Variants in MYO5C observed in about 807,000 individuals in gnomAD.
MYO5C encodes the protein unconventional myosin-Vc.
MYO5C carries 194 observed loss-of-function variants against 235.7 expected under a neutral mutation model. That is an observed-to-expected ratio of 0.82 (90% confidence interval 0.73 to 0.93). The LOEUF is 0.93. Ranked by LOEUF, MYO5C falls within the 40% of genes least tolerant of loss-of-function variation. The pLI is 0.00. For synonymous variants in MYO5C, 707 were observed against 754.8 expected (o/e 0.94, Z 1.04); for missense variants, 2,038 against 2,127.2 (o/e 0.96, Z 0.82).
rs1357092542 is a variant in MYO5C at position 52,264,296 on chromosome 15, C to T, written c.941G>A (p.Gly314Asp). The T allele has an allele frequency of 6.2e-7, 1 of 1,612,016 alleles. No individual in the cohort carries two copies. Among genetic ancestry groups the T allele is most frequent in the East Asian group, 2.2e-5 (1 of 44,874 alleles). ...GTCCATCTGAAAATCCTCCTTGAAA[C>T]CTAAAAACAAACATTTTCCCAGATT... ...VETQKTFTLL[G>D]FKEDFQMDVF... The change falls in exon 9 of 41, where the codon GGT becomes GAT. Residue 314 changes from glycine (G) to aspartate (D), a missense_variant and splice_region_variant. Gly to Asp is a moderately conservative substitution (Grantham distance 94). Coordinates refer to ENST00000261839, the MANE Select transcript of MYO5C (RefSeq NM_018728.4).
chr15:52,263,601 C>T (rs192053767), intron 9 of MYO5C, among the ~76,000 whole-genome samples: 106 of 152,234 alleles, frequency 7.0e-4, no homozygotes, highest in Non-Finnish European at 1.3e-3. Flanking sequence ...CATGGACCTT[C>T]GTGCTGTTTT....
chr15:52,272,307 G>A (rs996790879), intron 6 of MYO5C, among the ~76,000 whole-genome samples: 1 of 152,170 alleles, frequency 6.6e-6, no homozygotes, highest in Non-Finnish European at 1.5e-5. Context: ...ACTCTAGAAA[G>A]AGATACTTGC....
intron 8 of MYO5C, among the ~76,000 whole-genome samples, chr15:52,268,007 T>G (rs1339682402): frequency 2.0e-5 from 3 of 152,228 alleles, no homozygotes; most frequent in African/African-American, 7.2e-5. Flanking sequence ...GTGCCGAAAG[T>G]GTTTATCTTA....
chr15:52,267,853 G>C (rs571763622), intron 8 of MYO5C, among the ~76,000 whole-genome samples: 14 of 152,254 alleles, frequency 9.2e-5, no homozygotes, highest in African/African-American at 3.4e-4. Context: ...AGGGAGATGA[G>C]GGTGGGCAGG....
At chr15:52,246,133 C>G in intron 16 of MYO5C, 91 bp from the exon 17 acceptor site, 1 of 971,222 alleles carries the variant, frequency 1.0e-6, no homozygotes, top group South Asian at 1.4e-5. Flanking sequence ...AGACTGTGAC[C>G]CTATGCCAGG....
chr15:52,207,462 T>C (rs1231995116), intron 36 of MYO5C, among the ~76,000 whole-genome samples: 1 of 152,222 alleles, frequency 6.6e-6, no homozygotes, highest in East Asian at 1.9e-4. Context: ...ATTGCTGTTA[T>C]ATTTTATTTT....
At chr15:52,199,713 C>A (rs913221579) in intron 38 of MYO5C, among the ~76,000 whole-genome samples, 8 of 152,138 alleles carry the variant, frequency 5.3e-5, no homozygotes, top group Non-Finnish European at 8.8e-5. Flanking sequence ...AAGTTCCAAT[C>A]CCATGTCGAC....
chr15:52,218,452 C>T, intron 32 of MYO5C, 67 bp downstream of exon 32: 13 of 1,449,782 alleles, frequency 9.0e-6, no homozygotes, highest in East Asian at 2.3e-5. Context: ...CTTTAGGTGG[C>T]ATGTCCCCCC....
At chr15:52,213,709 A>G (rs2035497940) in intron 33 of MYO5C, among the ~76,000 whole-genome samples, 1 of 152,272 alleles carries the variant, frequency 6.6e-6, no homozygotes, top group Admixed American at 6.5e-5. Flanking sequence ...CTGTAAAGTT[A>G]TCACAAACAT....
intron 1 of MYO5C, among the ~76,000 whole-genome samples, chr15:52,286,017 G>C (rs1273302268): frequency 5.3e-5 from 8 of 152,104 alleles, no homozygotes; most frequent in Non-Finnish European, 1.2e-4. Flanking sequence ...CCCATCGTCT[G>C]AGATGTGGGG....
chr15:52,244,331 CAT>C (rs778820748), intron 19 of MYO5C, 23 bp downstream of exon 19: 3 of 1,605,730 alleles, frequency 1.9e-6, no homozygotes, highest in Admixed American at 1.7e-5. Context: ...CACAGTTCCA[CAT>C]GTGTTCCTTG....
chr15:52,260,827 A>G, intron 10 of MYO5C, 35 bp downstream of exon 10: 1 of 1,605,718 alleles, frequency 6.2e-7, no homozygotes, highest in Non-Finnish European at 8.5e-7. Flanking sequence ...CAACATTTAA[A>G]GGAGGAAAGA....
chr15:52,293,456 G>T (rs532005488), intron 1 of MYO5C, among the ~76,000 whole-genome samples: 1 of 152,008 alleles, frequency 6.6e-6, no homozygotes, highest in Non-Finnish European at 1.5e-5. Context: ...ACCCTGCAAG[G>T]CACCTTCCCT....
chr15:52,292,838 T>C (rs1407536466), intron 1 of MYO5C, among the ~76,000 whole-genome samples: 1 of 152,116 alleles, frequency 6.6e-6, no homozygotes, highest in African/African-American at 2.4e-5. Flanking sequence ...TGAGCAAAGG[T>C]GACAGACAGA....
chr15:52,215,501 G>A (rs2035531740), intron 32 of MYO5C, among the ~76,000 whole-genome samples: 1 of 152,154 alleles, frequency 6.6e-6, no homozygotes, highest in African/African-American at 2.4e-5. Context: ...GGACTCTTGG[G>A]GCCGAGGGAC....
chr15:52,262,462 C>T (rs2036718250), intron 9 of MYO5C, among the ~76,000 whole-genome samples: 2 of 152,082 alleles, frequency 1.3e-5, no homozygotes, highest in Non-Finnish European at 2.9e-5. Flanking sequence ...GGGCAGAAGC[C>T]CAGCTTCTCT....
intron 32 of MYO5C, among the ~76,000 whole-genome samples, chr15:52,216,881 G>T (rs979740540): frequency 6.6e-6 from 1 of 152,188 alleles, no homozygotes; most frequent in African/African-American, 2.4e-5. Flanking sequence ...CAGGGAGAAG[G>T]CCAGGTGCAG....
chr15:52,239,861 C>A lies in MYO5C; in HGVS notation c.2575G>T (p.Ala859Ser), dbSNP rs777524937. ...RYRKMLEEHKAVILQKYARAW... is the reference protein window; with the variant it reads ...RYRKMLEEHKSVILQKYARAW... ...CGTGCGTATTTCTGTAGGATCACAG[C>A]CTTATGTTCCTCCAGCATCTTTAAA... The change falls in exon 21 of 41, where the codon GCT becomes TCT. Residue 859 changes from alanine (A) to serine (S), a missense_variant. By Grantham distance (99) the Ala-to-Ser change is moderately conservative. Transcript: ENST00000261839. 1.9e-6 allele frequency: 3 copies of A among 1,610,854 alleles called. No individual in the cohort carries two copies. Among genetic ancestry groups the A allele is most frequent in the African/African-American group, 1.3e-5 (1 of 74,920 alleles).
chr15:52,222,177 C>T (rs911846994), intron 29 of MYO5C, among the ~76,000 whole-genome samples: 1 of 152,210 alleles, frequency 6.6e-6, no homozygotes, highest in Non-Finnish European at 1.5e-5. Context: ...CAATACAATA[C>T]TTCCAGCATA....
Sources: gnomAD v4.1 joint callset for allele counts (sites outside exome capture counted in the v4.1 genomes callset) on GRCh38, gnomAD v4.1.1 for gene constraint, MANE v1.5 for transcripts, NCBI Gene and HGNC (gene_info 2026-07-23, HGNC 2026-07-21) for gene names.